Variants in PNLIPRP1 observed in about 807,000 individuals in gnomAD.
The protein encoded by PNLIPRP1 is pancreatic lipase related protein 1, also known as inactive pancreatic lipase-related protein 1.
Under a neutral mutation model 54.6 loss-of-function variants are expected in PNLIPRP1, and 57 were observed. The observed-to-expected ratio is 1.04, with a 90% confidence interval of 0.84 to 1.30. The LOEUF (loss-of-function observed/expected upper bound fraction) is 1.30. Ranked by LOEUF, PNLIPRP1 falls within the 50% of genes most tolerant of loss-of-function variation. The pLI is 0.00. For missense variants in PNLIPRP1, 567 were observed against 568.5 expected (o/e 1.00, Z 0.03); for synonymous variants, 232 against 208.8 (o/e 1.11, Z -0.96).
At chr10:116,605,614 A>C (rs2133242641) in intron 12 of PNLIPRP1, 61 bp downstream of exon 12, 1 of 1,280,578 alleles carries the variant, frequency 7.8e-7, no homozygotes, top group South Asian at 1.8e-5. Context: ...TATAATGAAA[A>C]CCCACCCTAG....
chr10:116,600,968 G>A, intron 9 of PNLIPRP1, 104 bp from the exon 10 acceptor site: 1 of 1,051,004 alleles, frequency 9.5e-7, no homozygotes. Flanking sequence ...TTGTCACAAA[G>A]GAGAACGCTT....
intron 11 of PNLIPRP1, 35 bp from the exon 12 acceptor site, chr10:116,605,351 C>T (rs1345946362): frequency 6.5e-6 from 9 of 1,387,418 alleles, no homozygotes; most frequent in Middle Eastern, 1.9e-4. Context: ...AACTCATTTC[C>T]GTGAACAGGG....
chr10:116,595,790 T>C (rs888238945), intron 5 of PNLIPRP1: 3 of 156,928 alleles, frequency 1.9e-5, no homozygotes, highest in African/African-American at 7.3e-5. Context: ...ATGGGGAGAG[T>C]AGGAGCTTTA....
chr10:116,598,988 C>G (rs879975227), intron 8 of PNLIPRP1, among the ~76,000 whole-genome samples: 2 of 152,164 alleles, frequency 1.3e-5, no homozygotes, highest in Non-Finnish European at 2.9e-5. Flanking sequence ...GCTGTGGTGG[C>G]TCACGCCTAT....
chr10:116,603,525 T>C (rs1305295831), intron 10 of PNLIPRP1, among the ~76,000 whole-genome samples: 1 of 152,148 alleles, frequency 6.6e-6, no homozygotes, highest in Non-Finnish European at 1.5e-5. Flanking sequence ...GGCAATGCAG[T>C]TCTAGAGGGG....
intron 12 of PNLIPRP1, among the ~76,000 whole-genome samples, chr10:116,607,781 T>G (rs924499708): frequency 1.3e-5 from 2 of 152,210 alleles, no homozygotes; most frequent in African/African-American, 4.8e-5. Context: ...ACATCTGCAT[T>G]GTTTTTTGTT....
chr10:116,598,130 C>G lies in PNLIPRP1; in HGVS notation c.778C>G (p.Leu260Val), dbSNP rs782086958. 1 of 1,613,902 alleles carries G rather than the reference C, an allele frequency of 6.2e-7. No individual in the cohort carries two copies. Among genetic ancestry groups the G allele is most frequent in the Non-Finnish European group, 8.5e-7 (1 of 1,179,952 alleles). ...ESMPGCKKNA[L>V]SQIVDLDGIW... is the part of the protein sequence containing the mutation. ...CATGCCGGGATGCAAGAAGAATGCCCTGTCTCAGATCGTGGATCTAGATGG... is the reference window on the plus strand; with the variant it reads ...CATGCCGGGATGCAAGAAGAATGCCGTGTCTCAGATCGTGGATCTAGATGG... Residue 260 changes from leucine (L) to valine (V), a missense_variant, in exon 8 of 13, where the codon CTG becomes GTG. Physicochemically the swap from Leu to Val is conservative, Grantham distance 32. Transcript: ENST00000358834.
intron 4 of PNLIPRP1, chr10:116,593,917 A>T (rs11197745): frequency 0.12 from 19,362 of 156,302 alleles, 1,637 homozygotes; most frequent in East Asian, 0.39. Context: ...AGATCGCGCC[A>T]CTGCACTCCA....
At chr10:116,593,087 GA>G (rs1847669534) in intron 4 of PNLIPRP1, 1 of 165,528 alleles carries the variant, frequency 6.0e-6, no homozygotes, top group African/African-American at 2.4e-5. Context: ...AAAATTGCTT[GA>G]ACCCAGGAGG....
intron 4 of PNLIPRP1, chr10:116,593,602 T>C (rs1847679899): frequency 6.6e-6 from 1 of 152,218 alleles, no homozygotes; most frequent in African/African-American, 2.4e-5. Context: ...AGCATCTTAT[T>C]GATACAGTTT....
At chr10:116,604,689 T>C (rs1847907866) in intron 11 of PNLIPRP1, among the ~76,000 whole-genome samples, 2 of 146,328 alleles carry the variant, frequency 1.4e-5, no homozygotes, top group Admixed American at 6.8e-5. Context: ...CTCTTTTTTT[T>C]TTTTTTTTTT....
chr10:116,591,502 G>T (rs949260973), intron 2 of PNLIPRP1, among the ~76,000 whole-genome samples: 2 of 152,202 alleles, frequency 1.3e-5, no homozygotes, highest in Admixed American at 1.3e-4. Flanking sequence ...AGAAGAGCTA[G>T]GAATGGGACT....
intron 12 of PNLIPRP1, among the ~76,000 whole-genome samples, chr10:116,607,333 C>T (rs1426251851): frequency 6.6e-6 from 1 of 152,140 alleles, no homozygotes. Context: ...TGAGCCTACA[C>T]TCAAGGAGCT....
chr10:116,598,866 C>A (rs951474108), intron 8 of PNLIPRP1, among the ~76,000 whole-genome samples: 1 of 152,184 alleles, frequency 6.6e-6, no homozygotes, highest in African/African-American at 2.4e-5. Flanking sequence ...ACGGAGAAAA[C>A]CCTTAGTAGT....
At chr10:116,597,457 T>C (rs1274231350) in intron 6 of PNLIPRP1, among the ~76,000 whole-genome samples, 1 of 152,202 alleles carries the variant, frequency 6.6e-6, no homozygotes, top group East Asian at 1.9e-4. Context: ...CCAGAACCTG[T>C]GTTCTTAACT....
rs781897399 is a variant in PNLIPRP1, at chr10:116,600,012, A to G, written c.815-35A>G. 5 of 1,413,634 alleles carry G rather than the reference A, an allele frequency of 3.5e-6. No homozygotes were observed. In the South Asian group the frequency reaches 4.6e-5, roughly 13 times the overall value. 87.6% of individuals were successfully genotyped at this position (1,413,634 alleles called of 1,614,324 possible). On this transcript the variant is annotated intron_variant, in intron 8 of 12. Coordinates refer to ENST00000358834, the MANE Select transcript of PNLIPRP1 (RefSeq NM_006229.4). ...GCAGAGAAGCTGTTACAGGCCCCCA[A>G]CCACCTGTTCAGGTCTCCTTATTTG...
chr10:116,600,186 G>A (rs781855279), intron 9 of PNLIPRP1, 21 bp downstream of exon 9: 13 of 1,492,810 alleles, frequency 8.7e-6, no homozygotes, highest in Middle Eastern at 1.7e-4. Context: ...GTCCTGCCTC[G>A]AGCAACAAGC....
At chr10:116,597,413 G>A (rs1477043105) in intron 6 of PNLIPRP1, among the ~76,000 whole-genome samples, 3 of 152,154 alleles carry the variant, frequency 2.0e-5, no homozygotes, top group Admixed American at 6.5e-5. Context: ...CCCAAAAGCA[G>A]CTGAGTAGGA....
At chr10:116,605,584 A>C in intron 12 of PNLIPRP1, 31 bp downstream of exon 12, 2 of 1,425,750 alleles carry the variant, frequency 1.4e-6, no homozygotes, top group Non-Finnish European at 1.9e-6. Context: ...GTGCCTAAAA[A>C]TGTTTGCAGA....
Sources: allele counts gnomAD v4.1 joint callset (sites outside exome capture counted in the v4.1 genomes callset), GRCh38; gene constraint gnomAD v4.1.1; transcripts MANE v1.5; gene names NCBI Gene and HGNC (gene_info 2026-07-23, HGNC 2026-07-21).